RTN1: variants seen among roughly 807,000 people sequenced by gnomAD.
The protein encoded by RTN1 is reticulon-1.
A neutral mutation model predicts 65.5 loss-of-function variants in RTN1; 25 were observed. That is an observed-to-expected ratio of 0.38 (90% CI 0.28 to 0.53). RTN1 has a LOEUF of 0.53. Among genes scored for constraint, RTN1 ranks in the 20% least tolerant of loss-of-function variants. RTN1 has a pLI of 0.79. For missense variants in RTN1, 983 were observed against 1,025.4 expected, an observed-to-expected ratio of 0.96 and a Z score of 0.57; for synonymous variants, 471 against 447.6, an observed-to-expected ratio of 1.05 and a Z score of -0.66.
chr14:59,756,388 G>C (rs557015058), intron 1 of RTN1, among the ~76,000 whole-genome samples: 1 of 152,260 alleles, frequency 6.6e-6, no homozygotes, highest in South Asian at 2.1e-4. Flanking sequence ...TTGAAGAATA[G>C]GTTTAGTGAT....
chr14:59,795,054 C>T (rs1185326745), intron 1 of RTN1, among the ~76,000 whole-genome samples: 1 of 152,148 alleles, frequency 6.6e-6, no homozygotes, highest in African/African-American at 2.4e-5. Flanking sequence ...TTAATATCCA[C>T]CCCAATTTAG....
At chr14:59,848,113 G>A (rs1451223238) in intron 1 of RTN1, among the ~76,000 whole-genome samples, 1 of 152,164 alleles carries the variant, frequency 6.6e-6, no homozygotes, top group African/African-American at 2.4e-5. Context: ...AGACCATAAA[G>A]TCTTCCTCTC....
chr14:59,700,271 T>C (rs1228683595), intron 3 of RTN1, among the ~76,000 whole-genome samples: 3 of 152,096 alleles, frequency 2.0e-5, no homozygotes, highest in Non-Finnish European at 4.4e-5. Context: ...TGTTCATGAA[T>C]TGGAAGGCAA....
intron 1 of RTN1, among the ~76,000 whole-genome samples, chr14:59,824,924 A>T (rs1887004104): frequency 6.6e-6 from 1 of 152,224 alleles, no homozygotes; most frequent in Non-Finnish European, 1.5e-5. Context: ...ACTTATATGT[A>T]GAATCTTAAA....
chr14:59,608,980 T>C (rs920433805), intron 3 of RTN1, among the ~76,000 whole-genome samples: 1 of 152,204 alleles, frequency 6.6e-6, no homozygotes, highest in African/African-American at 2.4e-5. Flanking sequence ...TCACACTGTC[T>C]GACCATTAGA....
chr14:59,618,573 C>T (rs955886589), intron 3 of RTN1, among the ~76,000 whole-genome samples: 14 of 152,310 alleles, frequency 9.2e-5, no homozygotes, highest in African/African-American at 3.4e-4. Context: ...TTGCAATTCC[C>T]CTGTCTTGAT....
At chr14:59,823,638 C>T (rs568773516) in intron 1 of RTN1, among the ~76,000 whole-genome samples, 1 of 152,116 alleles carries the variant, frequency 6.6e-6, no homozygotes, top group African/African-American at 2.4e-5. Context: ...CCTGAAAAGT[C>T]CACTGTTAGC....
chr14:59,691,706 C>G (rs1304299710), intron 3 of RTN1, among the ~76,000 whole-genome samples: 1 of 152,016 alleles, frequency 6.6e-6, no homozygotes, highest in African/African-American at 2.4e-5. Flanking sequence ...GCAAATCAAA[C>G]CCAGCAGGTC....
intron 1 of RTN1, among the ~76,000 whole-genome samples, chr14:59,809,799 C>G (rs1041789194): frequency 3.3e-4 from 50 of 152,136 alleles, no homozygotes; most frequent in Non-Finnish European, 3.8e-4. Flanking sequence ...TAAGACACAA[C>G]AGAACCCCCA....
Position 59,633,970 on chromosome 14 carries a change from T to C in RTN1, c.1766-26478A>G, listed in dbSNP as rs1395750681. On this transcript the variant is annotated intron_variant, in intron 3 of 8. Coordinates refer to ENST00000267484, the MANE Select transcript of RTN1 (RefSeq NM_021136.3). ...ACAAATATTTATTGAGTACCTGCTGTGTGCTGGACACTGTTCTAGGCATAA... is the reference window on the plus strand; with the variant it reads ...ACAAATATTTATTGAGTACCTGCTGCGTGCTGGACACTGTTCTAGGCATAA... Among the ~76,000 whole-genome samples, 8 of 152,246 alleles carry C rather than the reference T, an allele frequency of 5.3e-5. No homozygotes were observed. In the East Asian group the frequency reaches 1.5e-3, roughly 29 times the overall value.
intron 1 of RTN1, among the ~76,000 whole-genome samples, chr14:59,852,102 C>T (rs1303559274): frequency 6.6e-6 from 1 of 151,998 alleles, no homozygotes; most frequent in Non-Finnish European, 1.5e-5. Context: ...GCAATTTACT[C>T]TTGTATTATC....
intron 1 of RTN1, among the ~76,000 whole-genome samples, chr14:59,835,696 C>T (rs964557971): frequency 6.6e-6 from 1 of 152,066 alleles, no homozygotes; most frequent in Non-Finnish European, 1.5e-5. Flanking sequence ...GGTTCTACCC[C>T]CTGAACCAAC....
At chr14:59,713,732 T>C (rs151131080) in intron 3 of RTN1, among the ~76,000 whole-genome samples, 287 of 152,300 alleles carry the variant, frequency 1.9e-3, no homozygotes, top group African/African-American at 6.3e-3. Context: ...ACTCACCTTG[T>C]GGTTATACAA....
chr14:59,864,597 T>A (rs755067668), intron 1 of RTN1, among the ~76,000 whole-genome samples: 11 of 152,074 alleles, frequency 7.2e-5, no homozygotes, highest in Non-Finnish European at 1.6e-4. Context: ...TATCTGTCCT[T>A]TTCTGTACTA....
intron 1 of RTN1, among the ~76,000 whole-genome samples, chr14:59,806,137 G>A (rs1886632262): frequency 6.6e-6 from 1 of 152,034 alleles, no homozygotes; most frequent in Admixed American, 6.6e-5. Context: ...TTGGGAGGCT[G>A]AGGCAGGAGA....
chr14:59,768,395 T>C (rs1266511444), intron 1 of RTN1, among the ~76,000 whole-genome samples: 3 of 152,246 alleles, frequency 2.0e-5, no homozygotes, highest in Non-Finnish European at 2.9e-5. Context: ...GTGGTAATGA[T>C]CCAGTGACCG....
intron 3 of RTN1, among the ~76,000 whole-genome samples, chr14:59,675,443 T>TGGG (rs1566681575): frequency 7.8e-6 from 1 of 128,408 alleles, no homozygotes; most frequent in African/African-American, 4.1e-5. Context: ...CCTATAGGAC[T>TGGG]TGGGGGGGGG....
chr14:59,708,199 C>T (rs1314473816), intron 3 of RTN1, among the ~76,000 whole-genome samples: 1 of 152,210 alleles, frequency 6.6e-6, no homozygotes, highest in Non-Finnish European at 1.5e-5. Flanking sequence ...AACAAAACCA[C>T]TCAGAATAGG....
chr14:59,833,352 G>C lies in RTN1; in HGVS notation c.241+37038C>G, dbSNP rs568359009. ...TATATCCAAATGAATTCCTATGGGCGATATAAGTCTAAGAGGGACAGAAAT... is the reference window on the plus strand; with the variant it reads ...TATATCCAAATGAATTCCTATGGGCCATATAAGTCTAAGAGGGACAGAAAT... On this transcript the variant is annotated intron_variant, in intron 1 of 8. Transcript: ENST00000267484. 1.6e-4 allele frequency among the ~76,000 whole-genome samples: 24 copies of C among 152,176 alleles called. No individual in the cohort carries two copies. The East Asian group carries it at 3.7e-3, about 23-fold the overall frequency.
Sources: allele counts gnomAD v4.1 joint callset (sites outside exome capture counted in the v4.1 genomes callset), GRCh38; gene constraint gnomAD v4.1.1; transcripts MANE v1.5; gene names NCBI Gene and HGNC (gene_info 2026-07-23, HGNC 2026-07-21).